Variants in KCTD8 observed in about 807,000 individuals in gnomAD.
KCTD8 encodes potassium channel tetramerization domain containing 8.
Under a neutral mutation model 31.5 loss-of-function variants are expected in KCTD8, and 27 were observed. The ratio of observed to expected loss-of-function variants is 0.86; its 90% CI spans 0.63 to 1.18. KCTD8 has a LOEUF of 1.18. Among genes scored for constraint, KCTD8 ranks in the 50% most tolerant of loss-of-function variants. The probability of loss-of-function intolerance (pLI) is 0.00; values close to 1 mark genes in which losing one functional copy is unlikely to be tolerated. For synonymous variants in KCTD8, 290 were observed against 280.0 expected (o/e 1.04, Z -0.36); for missense variants, 658 against 647.7 (o/e 1.02, Z -0.17).
At chr4:44,268,500 C>G (rs7436686) in intron 1 of KCTD8, among the ~76,000 whole-genome samples, 79,793 of 150,330 alleles carry the variant, frequency 0.53, 21,537 homozygotes, top group African/African-American at 0.68. Context: ...GGGATGCCCT[C>G]TCTCACCACT....
At chr4:44,401,447 G>A (rs1438841421) in intron 1 of KCTD8, among the ~76,000 whole-genome samples, 6 of 152,074 alleles carry the variant, frequency 3.9e-5, no homozygotes, top group Admixed American at 2.6e-4. Context: ...ATATGGCTTG[G>A]GGACTTGAGA....
intron 1 of KCTD8, among the ~76,000 whole-genome samples, chr4:44,394,102 T>G (rs1473653336): frequency 1.3e-5 from 2 of 152,018 alleles, no homozygotes; most frequent in Admixed American, 1.3e-4. Flanking sequence ...ATAATACTTA[T>G]TTCAAAATAT....
chr4:44,406,560 C>T (rs1347858038), intron 1 of KCTD8, among the ~76,000 whole-genome samples: 3 of 152,092 alleles, frequency 2.0e-5, no homozygotes, highest in African/African-American at 7.2e-5. Flanking sequence ...CCAGCCATGT[C>T]GAAGTCCAAT....
intron 1 of KCTD8, among the ~76,000 whole-genome samples, chr4:44,432,853 A>T (rs377056576): frequency 1.3e-4 from 19 of 151,864 alleles, no homozygotes; most frequent in Middle Eastern, 6.8e-3. Context: ...GTCTTAATCT[A>T]CAATCAACTC....
intron 1 of KCTD8, among the ~76,000 whole-genome samples, chr4:44,296,577 T>G (rs1487457439): frequency 6.6e-6 from 1 of 152,226 alleles, no homozygotes; most frequent in Non-Finnish European, 1.5e-5. Context: ...TAAGGATATC[T>G]CAGACACTGA....
intron 1 of KCTD8, among the ~76,000 whole-genome samples, chr4:44,191,239 T>C (rs2109334832): frequency 6.6e-6 from 1 of 152,352 alleles, no homozygotes; most frequent in African/African-American, 2.4e-5. Context: ...TACTTTAATC[T>C]CTTAATCCTG....
intron 1 of KCTD8, among the ~76,000 whole-genome samples, chr4:44,363,083 A>G (rs549802341): frequency 4.8e-4 from 73 of 152,184 alleles, no homozygotes; most frequent in African/African-American, 1.7e-3. Context: ...GCAAGATGGT[A>G]ATTTAACCAA....
chr4:44,439,893 C>CATTT (rs1385336960), intron 1 of KCTD8, among the ~76,000 whole-genome samples: 2 of 116,682 alleles, frequency 1.7e-5, no homozygotes, highest in Non-Finnish European at 3.8e-5. Context: ...GTCCACCAAT[C>CATTT]ATTTATTTTT....
chr4:44,403,427 TAA>T (rs35324683), intron 1 of KCTD8, among the ~76,000 whole-genome samples: 50,177 of 143,974 alleles, frequency 0.35, 8,923 homozygotes, highest in East Asian at 0.49. Context: ...GGGCTACCAT[TAA>T]AAAAAAAAAA....
intron 1 of KCTD8, among the ~76,000 whole-genome samples, chr4:44,311,807 C>A (rs1717959936): frequency 6.6e-6 from 1 of 151,084 alleles, no homozygotes; most frequent in South Asian, 2.1e-4. Flanking sequence ...CAGATTACTG[C>A]CGTTTTATTC....
intron 1 of KCTD8, among the ~76,000 whole-genome samples, chr4:44,346,502 T>C (rs1719040625): frequency 6.6e-6 from 1 of 152,190 alleles, no homozygotes; most frequent in Non-Finnish European, 1.5e-5. Context: ...TTCAGCTCGA[T>C]TATACAACTA....
At chr4:44,283,191 G>A (rs888213861) in intron 1 of KCTD8, among the ~76,000 whole-genome samples, 7 of 151,628 alleles carry the variant, frequency 4.6e-5, no homozygotes, top group Non-Finnish European at 5.9e-5. Context: ...TTGGGATTAC[G>A]GGCATATGCC....
At chr4:44,298,684 C>G (rs1317965267) in intron 1 of KCTD8, among the ~76,000 whole-genome samples, 2 of 152,096 alleles carry the variant, frequency 1.3e-5, no homozygotes, top group African/African-American at 4.8e-5. Flanking sequence ...TAAAAAAGTA[C>G]TGGGAATAGC....
intron 1 of KCTD8, among the ~76,000 whole-genome samples, chr4:44,180,582 T>TGCACACACACAC (rs200270284): frequency 1.7e-4 from 24 of 145,282 alleles, no homozygotes; most frequent in African/African-American, 5.9e-4. Flanking sequence ...TCAGTATACA[T>TGCACACACACAC]ACATGCACAC....
At chr4:44,193,149 T>C (rs1713816501) in intron 1 of KCTD8, among the ~76,000 whole-genome samples, 1 of 152,174 alleles carries the variant, frequency 6.6e-6, no homozygotes. Context: ...ATAAAATAAG[T>C]ACAATTTTAC....
At chr4:44,431,411 AC>A in intron 1 of KCTD8, among the ~76,000 whole-genome samples, 2 of 151,514 alleles carry the variant, frequency 1.3e-5, no homozygotes, top group Middle Eastern at 6.8e-3. Context: ...TTGTTTCCCC[AC>A]CTATATTGTA....
chr4:44,275,403 A>G (rs1055679269), intron 1 of KCTD8, among the ~76,000 whole-genome samples: 5 of 151,882 alleles, frequency 3.3e-5, no homozygotes, highest in South Asian at 2.1e-4. Context: ...TTATTTTACC[A>G]TATGAGAATC....
At chr4:44,186,034 G>A (rs1250913787) in intron 1 of KCTD8, among the ~76,000 whole-genome samples, 4 of 152,118 alleles carry the variant, frequency 2.6e-5, no homozygotes, top group Admixed American at 6.6e-5. Context: ...CCCTGTTTTC[G>A]TAGCCAAATG....
intron 1 of KCTD8, among the ~76,000 whole-genome samples, chr4:44,439,713 A>G (rs1721768390): frequency 6.6e-6 from 1 of 152,070 alleles, no homozygotes; most frequent in African/African-American, 2.4e-5. Context: ...GATACTTCCT[A>G]CATTTAATTT....
Sources: allele counts gnomAD v4.1 joint callset (sites outside exome capture counted in the v4.1 genomes callset), GRCh38; gene constraint gnomAD v4.1.1; transcripts MANE v1.5; gene names NCBI Gene and HGNC (gene_info 2026-07-23, HGNC 2026-07-21).